The following TULP4 variants were observed in gnomAD, a reference collection of about 807,000 sequenced individuals.
TULP4 encodes tubby-related protein 4.
A neutral mutation model predicts 129.0 loss-of-function variants in TULP4; 16 were observed. The observed-to-expected ratio is 0.12, with a 90% CI of 0.08 to 0.19. The LOEUF (loss-of-function observed/expected upper bound fraction) is 0.19. Ranked by LOEUF, TULP4 falls within the 10% of genes least tolerant of loss-of-function variation. TULP4 has a pLI of 1.00. For missense variants in TULP4, 1,842 were observed against 2,059.1 expected (o/e 0.89, Z 2.04); for synonymous variants, 998 against 854.0 (o/e 1.17, Z -2.94).
In TULP4 at chr6:158,422,817, C is replaced by G. The variant is rs115608150; in HGVS notation, c.382-6919C>G. ...GAAAACGCTGGCCCTCCCACCCCAG[C>G]CTTTAAATATGCAAATGCAGGACGC... On this transcript the variant is annotated intron_variant, in intron 2 of 13. Transcript: ENST00000367097. Among the ~76,000 whole-genome samples, 1,034 of 152,336 alleles carry G rather than the reference C, an allele frequency of 6.8e-3. 11 individuals carry two copies. Among genetic ancestry groups the G allele is most frequent in the African/African-American group, 0.023 (966 of 41,576 alleles).
chr6:158,320,527 G>C (rs1321639629), intron 1 of TULP4, among the ~76,000 whole-genome samples: 1 of 151,384 alleles, frequency 6.6e-6, no homozygotes, highest in Non-Finnish European at 1.5e-5. Context: ...CGCCCCCCAG[G>C]TTCAAGCCAT....
chr6:158,309,435 C>T (rs1463075231), upstream of TULP4, among the ~76,000 whole-genome samples: 111 of 148,846 alleles, frequency 7.5e-4, no homozygotes, highest in African/African-American at 2.5e-3. Context: ...GGGCTCCTCA[C>T]GTCCCAGACG....
chr6:158,337,380 C>T (rs1318579787), intron 1 of TULP4, among the ~76,000 whole-genome samples: 1 of 152,096 alleles, frequency 6.6e-6, no homozygotes, highest in Non-Finnish European at 1.5e-5. Context: ...ATCCACCTGC[C>T]TTGGCCTCTC....
intron 2 of TULP4, among the ~76,000 whole-genome samples, chr6:158,421,677 AT>A (rs1778346028): frequency 6.6e-6 from 1 of 152,212 alleles, no homozygotes; most frequent in African/African-American, 2.4e-5. Flanking sequence ...GTTAATAGAG[AT>A]TCTTTACAGA....
chr6:158,502,080 G>A lies in TULP4; in HGVS notation c.2417G>A (p.Arg806Gln), dbSNP rs764313685. 1.2e-5 allele frequency: 19 copies of A among 1,612,294 alleles called. No individual in the cohort carries two copies. The highest frequency in any genetic ancestry group is 1.7e-4 in the Middle Eastern group (1 of 6,052). The change falls in exon 13 of 14, where the codon CGG becomes CAG. Residue 806 changes from arginine to glutamine, a missense_variant. Around this residue, in one of 5 missense-constraint regions of TULP4, gnomAD observed 1,089 missense variants for 987.1 expected, o/e 1.10. Transcript: ENST00000367097. The stretch of plus-strand genomic sequence containing the variant: ...CTGCAGAAGTCAGCCAAGGCCCTGC[G>A]GCCAACACCGCAGCTGGCAGCTGAG... ...EHLQKSAKAL[R>Q]PTPQLAAEGD... is the part of the protein sequence containing the mutation.
chr6:158,452,572 C>T (rs1014807920), intron 5 of TULP4, among the ~76,000 whole-genome samples: 2 of 152,230 alleles, frequency 1.3e-5, no homozygotes, highest in African/African-American at 2.4e-5. Flanking sequence ...ATCTGGCTTA[C>T]GCATGTCTGC....
chr6:158,420,655 T>TG, intron 2 of TULP4, among the ~76,000 whole-genome samples: 2 of 17,222 alleles, frequency 1.2e-4, no homozygotes, highest in East Asian at 6.3e-4. Context: ...CTAATTTTTG[T>TG]TTTTTTTTAG....
intron 1 of TULP4, among the ~76,000 whole-genome samples, chr6:158,388,254 C>G (rs1777494531): frequency 6.9e-6 from 1 of 144,932 alleles, no homozygotes; most frequent in Admixed American, 6.9e-5. Flanking sequence ...AATTTTGTTT[C>G]TATAGAAGAT....
chr6:158,351,707 CTTTTTTTTTTTTTTTT>C (rs1160814801), intron 1 of TULP4, among the ~76,000 whole-genome samples: 1 of 50,496 alleles, frequency 2.0e-5, no homozygotes, highest in Non-Finnish European at 3.4e-5. Context: ...TGTTGTTAAA[CTTTTTTTTTTTTTTTT>C]TTTTTTTTTT....
intron 6 of TULP4, among the ~76,000 whole-genome samples, chr6:158,474,992 C>A (rs939717577): frequency 6.6e-6 from 1 of 152,202 alleles, no homozygotes; most frequent in African/African-American, 2.4e-5. Flanking sequence ...TTATAACTAG[C>A]ATGGATCTGT....
At chr6:158,438,846 A>G (rs1778815144) in intron 3 of TULP4, among the ~76,000 whole-genome samples, 1 of 152,086 alleles carries the variant, frequency 6.6e-6, no homozygotes. Flanking sequence ...AGGCCTCCCA[A>G]AACTGCACCT....
rs752396420 is a variant in TULP4 at position 158,502,096 on chromosome 6, G to C, written c.2433G>C (p.Leu811=). Residue 811 remains leucine, a synonymous_variant, in exon 13 of 14, where the codon CTG becomes CTC. Coordinates refer to ENST00000367097, the MANE Select transcript of TULP4 (RefSeq NM_020245.5). ...AGGCCCTGCGGCCAACACCGCAGCT[G>C]GCAGCTGAGGGGGACGCAGTGGTCT... ...SAKALRPTPQ[L]AAEGDAVVFS... is the part of the protein sequence containing the mutation. The C allele has an allele frequency of 1.2e-6, 2 of 1,611,564 alleles. No homozygotes were observed. The highest frequency in any genetic ancestry group is 4.5e-5 in the East Asian group (2 of 44,850).
In TULP4 at chr6:158,349,909, C is replaced by T. The variant is rs1217101255; in HGVS notation, c.252+35641C>T. Among the ~76,000 whole-genome samples, 12 of 123,232 alleles carry T rather than the reference C, an allele frequency of 9.7e-5. 1 individual carries two copies. Among genetic ancestry groups the T allele is most frequent in the African/African-American group, 3.8e-4 (12 of 31,242 alleles). The allele number at this position is 123,232 out of a possible 152,430, so 80.8% of individuals were successfully genotyped here. On this transcript the variant is annotated intron_variant, in intron 1 of 13. Transcript: ENST00000367097. ...CTCCTCACCTCCTAGGTGGGGCGGC[C>T]GGGCAGAGGCACTCCCCACTTCCCA...
At chr6:158,414,553 T>C (rs1778165202) in intron 2 of TULP4, among the ~76,000 whole-genome samples, 1 of 152,224 alleles carries the variant, frequency 6.6e-6, no homozygotes, top group Non-Finnish European at 1.5e-5. Flanking sequence ...CCTGAAGCAG[T>C]AGCCATAGGT....
chr6:158,494,137 C>T (rs1053066579), intron 10 of TULP4, among the ~76,000 whole-genome samples: 6 of 152,302 alleles, frequency 3.9e-5, no homozygotes, highest in Middle Eastern at 3.4e-3. Flanking sequence ...TGGAACTCCA[C>T]CACCACCTCT....
intron 2 of TULP4, among the ~76,000 whole-genome samples, chr6:158,419,685 G>A (rs2115027384): frequency 6.6e-6 from 1 of 152,332 alleles, no homozygotes; most frequent in East Asian, 1.9e-4. Flanking sequence ...GTAGCTGTAT[G>A]TTAGTATCAG....
intron 1 of TULP4, among the ~76,000 whole-genome samples, chr6:158,251,135 T>C (rs1778132402): frequency 6.6e-6 from 1 of 152,186 alleles, no homozygotes; most frequent in African/African-American, 2.4e-5. Context: ...AATTCCTTTC[T>C]CTTCATTTTG....
At chr6:158,443,343 C>A (rs550875573) in intron 3 of TULP4, among the ~76,000 whole-genome samples, 31 of 152,070 alleles carry the variant, frequency 2.0e-4, no homozygotes, top group African/African-American at 7.2e-4. Flanking sequence ...TTTTGAACTC[C>A]TGACCTCAAA....
chr6:158,299,599 A>C (rs1474243451), intron 1 of TULP4, among the ~76,000 whole-genome samples: 1 of 152,196 alleles, frequency 6.6e-6, no homozygotes, highest in Non-Finnish European at 1.5e-5. Context: ...AACCAGGTGC[A>C]TGTCCAAAGC....
Sources: gnomAD v4.1 joint callset for allele counts (sites outside exome capture counted in the v4.1 genomes callset) on GRCh38, gnomAD v4.1.1 for gene constraint, gnomAD v4.1.1 regional missense constraint, MANE v1.5 for transcripts, NCBI Gene and HGNC (gene_info 2026-07-23, HGNC 2026-07-21) for gene names.